NSDHL: variants seen among roughly 807,000 people sequenced by gnomAD.
NSDHL encodes the protein NAD(P) dependent 3-beta-hydroxysteroid dehydrogenase NSDHL, also known as sterol-4-alpha-carboxylate 3-dehydrogenase, decarboxylating.
NSDHL carries 1 observed loss-of-function variant against 23.0 expected under a neutral mutation model. The ratio of observed to expected loss-of-function variants is 0.04; its 90% CI spans 0.02 to 0.21. The LOEUF (loss-of-function observed/expected upper bound fraction) is 0.21. NSDHL is among the 10% of genes least tolerant of loss of function. The pLI, the probability that NSDHL is intolerant of heterozygous loss-of-function variation, is 1.00. For missense variants in NSDHL, 237 were observed against 300.9 expected (o/e 0.79, Z 1.57); for synonymous variants, 128 against 121.1 (o/e 1.06, Z -0.37).
chrX:152,858,825 C>T lies in NSDHL; in HGVS notation c.323C>T (p.Pro108Leu). ...VNTVFHCASP[P>L]PSSNNKELFY... ...ACAGTTTTCCACTGTGCGTCACCCC[C>T]ACCATCCAGTAACAACAAGGAGCTC... The change falls in exon 4 of 8, where the codon CCA becomes CTA. Residue 108 changes from proline (P) to leucine (L), a missense_variant. Coordinates refer to ENST00000370274, the MANE Select transcript of NSDHL (RefSeq NM_015922.3). 8.3e-7 allele frequency: 1 copy of T among 1,204,352 alleles called. No homozygotes were observed. The highest frequency in any genetic ancestry group is 1.1e-6 in the Non-Finnish European group (1 of 888,761).
chrX:152,832,210 A>T (rs1184149267), intron 1 of NSDHL, among the ~76,000 whole-genome samples: 2 of 111,520 alleles, frequency 1.8e-5, no homozygotes, highest in African/African-American at 6.5e-5. Flanking sequence ...CACCCTATTT[A>T]AGTATTGCAG....
intron 1 of NSDHL, among the ~76,000 whole-genome samples, chrX:152,840,699 C>T (rs112975875): frequency 0.027 from 3,050 of 111,883 alleles, 96 homozygotes; most frequent in African/African-American, 0.093. Flanking sequence ...GAGGGTCACC[C>T]GCCTGTATAA....
chrX:152,834,415 C>T (rs1556843801), intron 1 of NSDHL, among the ~76,000 whole-genome samples: 3 of 112,743 alleles, frequency 2.7e-5, no homozygotes, highest in African/African-American at 9.7e-5. Context: ...ACATGGACAC[C>T]GCAGGTCCGT....
chrX:152,854,709 C>T (rs1464882025), intron 3 of NSDHL, among the ~76,000 whole-genome samples: 3 of 110,151 alleles, frequency 2.7e-5, no homozygotes, highest in East Asian at 2.9e-4. Context: ...TGCGCCCAGC[C>T]GAGAAGGACT....
intron 3 of NSDHL, among the ~76,000 whole-genome samples, chrX:152,858,178 T>TTAGC (rs1556847156): frequency 3.6e-5 from 4 of 111,823 alleles, no homozygotes; most frequent in Non-Finnish European, 5.6e-5. Context: ...CCCGGTAGTC[T>TTAGC]TAGCTAGCTA....
At chrX:152,859,382 C>A (rs1168601943) in intron 4 of NSDHL, among the ~76,000 whole-genome samples, 3 of 111,717 alleles carry the variant, frequency 2.7e-5, no homozygotes, top group African/African-American at 9.8e-5. Flanking sequence ...ACTCCTCAAT[C>A]GCCCTTCCCT....
chrX:152,864,207 C>G (rs956590949), intron 5 of NSDHL, among the ~76,000 whole-genome samples: 5 of 112,648 alleles, frequency 4.4e-5, no homozygotes, highest in African/African-American at 1.3e-4. Flanking sequence ...CCATGCCCAG[C>G]CTGTCTGCTG....
chrX:152,868,779 G>A lies in NSDHL; in HGVS notation c.790-5G>A, dbSNP rs377291339. The A allele has an allele frequency of 3.0e-5, 36 of 1,203,895 alleles. No individual in the cohort carries two copies. The highest frequency in any genetic ancestry group is 3.5e-5 in the South Asian group (2 of 56,779). Reference sequence around the variant, plus strand: ...TCTAACTTCTTGTTCTTGTTCTCCCGCCAGGCATTTCACATCACCAATGAT... The same window carrying A: ...TCTAACTTCTTGTTCTTGTTCTCCCACCAGGCATTTCACATCACCAATGAT... On this transcript the variant is annotated splice_polypyrimidine_tract_variant and splice_region_variant and intron_variant, in intron 7 of 7. Coordinates refer to ENST00000370274, the MANE Select transcript of NSDHL (RefSeq NM_015922.3).
At chrX:152,859,647 C>T (rs1602938425) in intron 4 of NSDHL, among the ~76,000 whole-genome samples, 1 of 112,418 alleles carries the variant, frequency 8.9e-6, no homozygotes, top group Non-Finnish European at 1.9e-5. Flanking sequence ...TCTGTGTTGT[C>T]TTCACCTTTT....
intron 4 of NSDHL, among the ~76,000 whole-genome samples, chrX:152,860,832 A>G (rs1267312106): frequency 2.7e-5 from 3 of 112,478 alleles, no homozygotes; most frequent in African/African-American, 9.7e-5. Context: ...CCTCGATGCC[A>G]TTGCTCTCTT....
chrX:152,854,153 C>T (rs193264445), intron 3 of NSDHL, among the ~76,000 whole-genome samples: 1 of 112,063 alleles, frequency 8.9e-6, no homozygotes, highest in East Asian at 2.8e-4. Context: ...TTCAGCTTTC[C>T]TTGAGTACAG....
chrX:152,840,342 G>C (rs952037197), intron 1 of NSDHL, among the ~76,000 whole-genome samples: 1 of 112,280 alleles, frequency 8.9e-6, no homozygotes, highest in Non-Finnish European at 1.9e-5. Context: ...GCTTTGTTCT[G>C]TTGCTGGCGA....
rs782472341 is a variant in NSDHL, at chrX:152,857,216, T to C, written c.268-1554T>C. On this transcript the variant is annotated intron_variant, in intron 3 of 7. Coordinates refer to ENST00000370274, the MANE Select transcript of NSDHL (RefSeq NM_015922.3). Reference sequence around the variant, plus strand: ...CATTTTATACCCAGTACATTGATTATTGTTCCAGGCAAGGACTATCAATAA... The same window carrying C: ...CATTTTATACCCAGTACATTGATTACTGTTCCAGGCAAGGACTATCAATAA... Among the ~76,000 whole-genome samples the C allele has an allele frequency of 9.8e-5, 11 of 112,605 alleles. No individual in the cohort carries two copies. In the South Asian group the frequency reaches 3.3e-3, roughly 34 times the overall value.
chrX:152,844,344 C>T (rs1050758065), intron 1 of NSDHL, among the ~76,000 whole-genome samples: 2 of 112,154 alleles, frequency 1.8e-5, no homozygotes, highest in Non-Finnish European at 3.8e-5. Context: ...TGAGGAGTGG[C>T]GTGATTTGTG....
chrX:152,846,040 C>T lies in NSDHL; in HGVS notation c.-43-242C>T, dbSNP rs6627272. 0.064 allele frequency among the ~76,000 whole-genome samples: 7,157 copies of T among 112,629 alleles called. 182 individuals carry two copies. Among genetic ancestry groups the T allele is most frequent in the South Asian group, 0.13 (364 of 2,780 alleles). ...GAGCTGATTTAACTGGCCTCCTGTG[C>T]GCCTCTAATCTAACAGTGTGGTGAG... is the stretch of plus-strand genomic sequence containing the variant. On this transcript the variant is annotated intron_variant, in intron 1 of 7. Transcript: ENST00000370274.
chrX:152,842,567 T>C (rs1556845031), intron 1 of NSDHL, among the ~76,000 whole-genome samples: 2 of 111,703 alleles, frequency 1.8e-5, no homozygotes, highest in Non-Finnish European at 3.8e-5. Context: ...GGCGGCACCA[T>C]CTTGGCTCAC....
intron 7 of NSDHL, among the ~76,000 whole-genome samples, chrX:152,868,240 C>G (rs893249351): frequency 1.8e-5 from 2 of 108,397 alleles, no homozygotes; most frequent in African/African-American, 6.8e-5. Context: ...CTGGTTCAAG[C>G]GATTCTCATG....
At chrX:152,868,380 G>A (rs1202526611) in intron 7 of NSDHL, among the ~76,000 whole-genome samples, 3 of 111,426 alleles carry the variant, frequency 2.7e-5, no homozygotes, top group Admixed American at 1.9e-4. Context: ...TGATCTGCCC[G>A]CCTCTGCGTC....
intron 3 of NSDHL, among the ~76,000 whole-genome samples, chrX:152,854,513 G>A (rs782623439): frequency 4.5e-4 from 50 of 110,002 alleles, no homozygotes; most frequent in African/African-American, 1.5e-3. Flanking sequence ...AGGTTCAAGC[G>A]ATGCTCCTGC....
Sources: gnomAD v4.1 joint callset for allele counts (sites outside exome capture counted in the v4.1 genomes callset) on GRCh38, gnomAD v4.1.1 for gene constraint, MANE v1.5 for transcripts, NCBI Gene and HGNC (gene_info 2026-07-23, HGNC 2026-07-21) for gene names.